Variants in ALDH1A3 observed in about 807,000 individuals in gnomAD.
ALDH1A3 encodes the protein aldehyde dehydrogenase 1 family member A3.
In ALDH1A3, 28 loss-of-function variants were observed where a neutral mutation model predicts 57.5. The ratio of observed to expected loss-of-function variants is 0.49; its 90% confidence interval spans 0.36 to 0.67. The LOEUF is 0.67. Among genes scored for constraint, ALDH1A3 ranks in the 30% least tolerant of loss-of-function variants. The probability of loss-of-function intolerance (pLI) is 0.00; values close to 1 mark genes in which losing one functional copy is unlikely to be tolerated. For synonymous variants in ALDH1A3, 281 were observed against 264.8 expected (o/e 1.06, Z -0.59); for missense variants, 507 against 669.4 (o/e 0.76, Z 2.68).
chr15:100,881,092 A>AAAAT (rs1360748178), intron 1 of ALDH1A3: 4 of 152,272 alleles, frequency 2.6e-5, no homozygotes, highest in African/African-American at 9.6e-5. Flanking sequence ...AGTAGCAATT[A>AAAAT]TCTTTCTCAA....
intron 1 of ALDH1A3, among the ~76,000 whole-genome samples, chr15:100,884,912 T>C (rs2041580932): frequency 6.6e-6 from 1 of 152,202 alleles, no homozygotes; most frequent in African/African-American, 2.4e-5. Flanking sequence ...CCAAAGTCTA[T>C]TGGGGTATGA....
In ALDH1A3 at chr15:100,887,692, A is replaced by C; in HGVS notation, c.325A>C (p.Arg109=). The change falls in exon 3 of 13, where the codon AGG becomes CGG. Residue 109 remains arginine, a synonymous_variant. Transcript: ENST00000329841. The surrounding 1 kb of genome is among the most constrained non-coding windows in gnomAD (Gnocchi z 4.6). The part of the protein sequence containing the change: ...LLHQLADLVE[R]DRATLAALET... ...GCACCAGCTGGCTGACCTGGTGGAG[A>C]GGGACCGCGCCACCTTGGCCGTGAG... 2.5e-6 allele frequency: 4 copies of C among 1,607,982 alleles called. No individual in the cohort carries two copies. The East Asian group carries it at 9.0e-5, about 36-fold the overall frequency.
intron 1 of ALDH1A3, among the ~76,000 whole-genome samples, 175 bp from the exon 2 acceptor site, chr15:100,885,092 C>T (rs545579695): frequency 6.6e-6 from 1 of 152,282 alleles, no homozygotes; most frequent in African/African-American, 2.4e-5. Context: ...GTTGGTCATG[C>T]AGTCCTGGGA....
intron 1 of ALDH1A3, 129 bp downstream of exon 1, chr15:100,880,135 G>T: frequency 1.8e-6 from 1 of 564,120 alleles, no homozygotes; most frequent in Non-Finnish European, 2.6e-6. Flanking sequence ...GAGCCTCCCT[G>T]CCCGGGCGCG....
At chr15:100,888,899 T>C (rs1219858859) in intron 3 of ALDH1A3, 1 of 152,248 alleles carries the variant, frequency 6.6e-6, no homozygotes, top group African/African-American at 2.4e-5. Context: ...ACCCATTTTC[T>C]AACCTCACCT....
intron 12 of ALDH1A3, among the ~76,000 whole-genome samples, chr15:100,909,308 G>GTA (rs559543192): frequency 1.5e-4 from 17 of 115,720 alleles, no homozygotes; most frequent in Admixed American, 3.6e-4. Context: ...CTCAGTGTGT[G>GTA]AACCCACTGC....
Position 100,907,154 on chromosome 15 carries a change from A to C in ALDH1A3, c.1267A>C (p.Lys423Gln). 6.2e-7 allele frequency: 1 copy of C among 1,614,170 alleles called. No homozygotes were observed. Among genetic ancestry groups the C allele is most frequent in the African/African-American group, 1.3e-5 (1 of 75,048 alleles). ...GCCAGTGCAACCAATACTGAAGTTC[A>C]AAAGTATCGAAGAAGTGATAAAAAG... ...FGPVQPILKF[K>Q]SIEEVIKRAN... Residue 423 changes from lysine (K) to glutamine (Q), a missense_variant, in exon 11 of 13, where the codon AAA becomes CAA. Physicochemically the swap from Lys to Gln is moderately conservative, Grantham distance 53. Around this residue, in one of 2 missense-constraint regions of ALDH1A3, gnomAD observed 432 missense variants for 608.4 expected, o/e 0.71. Coordinates refer to ENST00000329841, the MANE Select transcript of ALDH1A3 (RefSeq NM_000693.4).
rs1195616959 is a variant in ALDH1A3 at position 100,915,426 on chromosome 15, A to G, written c.*653A>G. On this transcript the variant is annotated 3_prime_UTR_variant, in exon 13 of 13. Coordinates refer to ENST00000329841, the MANE Select transcript of ALDH1A3 (RefSeq NM_000693.4). ...GACCGTGAGATTCGGCTTCAAACCAATACTGCCTTTGGAATATGACAGAAT... is the reference window on the plus strand; with the variant it reads ...GACCGTGAGATTCGGCTTCAAACCAGTACTGCCTTTGGAATATGACAGAAT... 1 of 152,344 alleles carries G rather than the reference A, an allele frequency of 6.6e-6. No homozygotes were observed. The highest frequency in any genetic ancestry group is 2.4e-5 in the African/African-American group (1 of 41,468). 9.4% of individuals were successfully genotyped at this position (152,344 alleles called of 1,614,324 possible).
intron 7 of ALDH1A3, 137 bp from the exon 8 acceptor site, chr15:100,897,945 CG>C: frequency 1.5e-6 from 1 of 677,960 alleles, no homozygotes; most frequent in Non-Finnish European, 2.6e-6. Context: ...GGGACGGCAT[CG>C]GGGCCTGGAG....
Position 100,905,641 on chromosome 15 carries a change from C to T in ALDH1A3, c.1187C>T (p.Thr396Ile). The stretch of plus-strand genomic sequence containing the variant: ...GACAAGGGGCTCTTCATCAAACCCA[C>T]TGTCTTCTCAGAAGTCACAGACAAC... ...MEDKGLFIKP[T>I]VFSEVTDNMR... The change falls in exon 10 of 13, where the codon ACT becomes ATT. Residue 396 changes from threonine (T) to isoleucine (I), a missense_variant. By Grantham distance (89) the Thr-to-Ile change is moderately conservative. Coordinates refer to ENST00000329841, the MANE Select transcript of ALDH1A3 (RefSeq NM_000693.4). 6.2e-7 allele frequency: 1 copy of T among 1,609,772 alleles called. No individual in the cohort carries two copies. Among genetic ancestry groups the T allele is most frequent in the Non-Finnish European group, 8.5e-7 (1 of 1,177,838 alleles).
chr15:100,884,582 AC>A (rs1374127632), intron 1 of ALDH1A3, among the ~76,000 whole-genome samples: 1 of 100,754 alleles, frequency 9.9e-6, no homozygotes, highest in Non-Finnish European at 2.1e-5. Flanking sequence ...TTTTTTTTTG[AC>A]ATTTTATCAA....
At position 100,879,865 on chromosome 15, in the gene ALDH1A3, G is replaced by C. The variant is rs1596201948; in HGVS notation, c.-43G>C. ...CGCAGTGTCCGGGCCGAGCCGGTGCGCCGCAGACTAGGGCGCCTCGGGCCA... is the reference window on the plus strand; with the variant it reads ...CGCAGTGTCCGGGCCGAGCCGGTGCCCCGCAGACTAGGGCGCCTCGGGCCA... On this transcript the variant is annotated 5_prime_UTR_variant, in exon 1 of 13. Transcript: ENST00000329841. 6.1e-6 allele frequency: 8 copies of C among 1,304,840 alleles called. No homozygotes were observed. In the East Asian group the frequency reaches 9.5e-5, roughly 15 times the overall value. 80.8% of individuals were successfully genotyped at this position (1,304,840 alleles called of 1,614,324 possible).
chr15:100,887,616 G>T lies in ALDH1A3; in HGVS notation c.249G>T (p.Gln83His). Residue 83 changes from glutamine (Q) to histidine (H), a missense_variant, in exon 3 of 13, where the codon CAG becomes CAT. Physicochemically the swap from Gln to His is conservative, Grantham distance 24. Around this residue, in one of 2 missense-constraint regions of ALDH1A3, gnomAD observed 432 missense variants for 608.4 expected, o/e 0.71. Coordinates refer to ENST00000329841, the MANE Select transcript of ALDH1A3 (RefSeq NM_000693.4). This position sits in a 1 kb window ranked among gnomAD's most constrained non-coding sequence, Gnocchi z 4.6. ...TGGAGGCTGCACAGGTTGCCTTCCA[G>T]AGGGGCTCGCCATGGCGCCGGCTGG... Reference protein sequence around the residue: ...KAVEAAQVAFQRGSPWRRLDA... With the variant: ...KAVEAAQVAFHRGSPWRRLDA... The T allele has an allele frequency of 6.2e-7, 1 of 1,611,604 alleles. No homozygotes were observed.
rs1229072747 is a variant in ALDH1A3, at chr15:100,906,449, A to G, written c.1234-672A>G. ...TATGTGCCGTGATGGCATGAAGCTCAGCTCCTTAAACATCCCTGTGACGAG... is the reference window on the plus strand; with the variant it reads ...TATGTGCCGTGATGGCATGAAGCTCGGCTCCTTAAACATCCCTGTGACGAG... On this transcript the variant is annotated intron_variant, in intron 10 of 12. Coordinates refer to ENST00000329841, the MANE Select transcript of ALDH1A3 (RefSeq NM_000693.4). The surrounding 1 kb of genome is among the most constrained non-coding windows in gnomAD (Gnocchi z 4.8). 6.6e-6 allele frequency among the ~76,000 whole-genome samples: 1 copy of G among 152,222 alleles called. No individual in the cohort carries two copies. The highest frequency in any genetic ancestry group is 2.4e-5 in the African/African-American group (1 of 41,456).
chr15:100,880,081 G>A, intron 1 of ALDH1A3, 75 bp downstream of exon 1: 1 of 1,145,380 alleles, frequency 8.7e-7, no homozygotes, highest in African/African-American at 1.6e-5. Context: ...CGGCGGGGGC[G>A]AGGGAGCAGC....
chr15:100,886,540 C>A (rs897521489), intron 2 of ALDH1A3, among the ~76,000 whole-genome samples: 1 of 152,170 alleles, frequency 6.6e-6, no homozygotes, highest in Non-Finnish European at 1.5e-5. Context: ...TTCTGCTCAC[C>A]CCCAAGCCAG....
Position 100,895,934 on chromosome 15 carries a change from C to A in ALDH1A3, c.668C>A (p.Ala223Asp). 1 of 1,611,456 alleles carries A rather than the reference C, an allele frequency of 6.2e-7. No individual in the cohort carries two copies. ...AGTGCTATCTTGATTTCTTCCCAGGCCGGGTTCCCTCCAGGAGTGGTGAAC... is the reference window on the plus strand; with the variant it reads ...AGTGCTATCTTGATTTCTTCCCAGGACGGGTTCCCTCCAGGAGTGGTGAAC... ...ALYLGSLIKEAGFPPGVVNIV... is the reference protein window; with the variant it reads ...ALYLGSLIKEDGFPPGVVNIV... The change falls in exon 7 of 13, where the codon GCC becomes GAC. Residue 223 changes from alanine to aspartate, a missense_variant and splice_region_variant. Physicochemically the swap from Ala to Asp is moderately radical, Grantham distance 126 (BLOSUM62 -2). Coordinates refer to ENST00000329841, the MANE Select transcript of ALDH1A3 (RefSeq NM_000693.4).
At position 100,916,469 on chromosome 15, in the gene ALDH1A3, T is replaced by C. The variant is rs1284678133; in HGVS notation, c.*1696T>C. On this transcript the variant is annotated 3_prime_UTR_variant, in exon 13 of 13. Coordinates refer to ENST00000329841, the MANE Select transcript of ALDH1A3 (RefSeq NM_000693.4). Reference sequence around the variant, plus strand: ...ATTTAAACTTCTGTAATATACTGTATTTAGAAATGGAAATATATATAGTGT... The same window carrying C: ...ATTTAAACTTCTGTAATATACTGTACTTAGAAATGGAAATATATATAGTGT... The C allele has an allele frequency of 6.6e-6, 1 of 152,544 alleles. No homozygotes were observed. The highest frequency in any genetic ancestry group is 2.4e-5 in the African/African-American group (1 of 41,456). 9.4% of individuals were successfully genotyped at this position (152,544 alleles called of 1,614,324 possible).
chr15:100,910,718 C>T (rs1274994876), intron 12 of ALDH1A3, among the ~76,000 whole-genome samples: 1 of 152,208 alleles, frequency 6.6e-6, no homozygotes, highest in Non-Finnish European at 1.5e-5. Flanking sequence ...GGTCATTTGT[C>T]TCCTTTCATC....
Sources: gnomAD v4.1 joint callset for allele counts (sites outside exome capture counted in the v4.1 genomes callset) on GRCh38, gnomAD v4.1.1 for gene constraint, gnomAD v4.1.1 regional missense constraint, Gnocchi (gnomAD v3.1) non-coding constraint, MANE v1.5 for transcripts, NCBI Gene and HGNC (gene_info 2026-07-23, HGNC 2026-07-21) for gene names.